The following PAPPA2 variants were observed in gnomAD, a reference collection of about 807,000 sequenced individuals.
PAPPA2 encodes the protein pappalysin-2.
PAPPA2 carries 86 observed loss-of-function variants against 176.4 expected under a neutral mutation model. The ratio of observed to expected loss-of-function variants is 0.49; its 90% CI spans 0.41 to 0.58. The LOEUF is 0.58. PAPPA2 is among the 20% of genes least tolerant of loss of function. The pLI is 0.00. For synonymous variants in PAPPA2, 809 were observed against 852.2 expected (o/e 0.95, Z 0.88); for missense variants, 2,073 against 2,256.9 (o/e 0.92, Z 1.65).
At chr1:176,725,267 C>T (rs1661813436) in intron 12 of PAPPA2, among the ~76,000 whole-genome samples, 1 of 152,132 alleles carries the variant, frequency 6.6e-6, no homozygotes, top group East Asian at 1.9e-4. Flanking sequence ...AGCTCACAGG[C>T]TGTACAAAAA....
At chr1:176,793,073 CCCA>C (rs1030174804) in intron 19 of PAPPA2, among the ~76,000 whole-genome samples, 1 of 152,028 alleles carries the variant, frequency 6.6e-6, no homozygotes, top group Non-Finnish European at 1.5e-5. Flanking sequence ...TTTCCCGCCA[CCCA>C]CCACCACCAC....
chr1:176,828,726 G>A (rs1348944756), intron 21 of PAPPA2, among the ~76,000 whole-genome samples: 5 of 152,118 alleles, frequency 3.3e-5, no homozygotes, highest in African/African-American at 9.6e-5. Flanking sequence ...ACAAAAGGCC[G>A]GGCGTGGTGG....
At chr1:176,759,271 C>A (rs1272318843) in intron 14 of PAPPA2, among the ~76,000 whole-genome samples, 1 of 152,156 alleles carries the variant, frequency 6.6e-6, no homozygotes, top group African/African-American at 2.4e-5. Context: ...ATATTACAAT[C>A]TTAGTATTGT....
intron 1 of PAPPA2, among the ~76,000 whole-genome samples, chr1:176,470,646 G>A (rs2102464202): frequency 6.6e-6 from 1 of 152,100 alleles, no homozygotes; most frequent in South Asian, 2.1e-4. Flanking sequence ...ATCTCCCTGA[G>A]GGCAACAAAA....
intron 21 of PAPPA2, among the ~76,000 whole-genome samples, chr1:176,815,365 C>T (rs778612168): frequency 4.6e-5 from 7 of 152,054 alleles, no homozygotes; most frequent in Non-Finnish European, 1.0e-4. Flanking sequence ...GTTTGAAAAG[C>T]TAGTTCACAC....
chr1:176,536,876 C>T (rs79660956), intron 1 of PAPPA2, among the ~76,000 whole-genome samples: 5,940 of 152,198 alleles, frequency 0.039, 375 homozygotes, highest in African/African-American at 0.13. Flanking sequence ...AGGCTCTACA[C>T]GGGCACTGTG....
intron 19 of PAPPA2, among the ~76,000 whole-genome samples, 165 bp downstream of exon 19, chr1:176,791,647 G>A (rs1241245794): frequency 4.6e-5 from 7 of 152,160 alleles, no homozygotes; most frequent in Admixed American, 2.0e-4. Flanking sequence ...TCCATTTCCC[G>A]GGTTCAAGCA....
At position 176,845,420 on chromosome 1, in the gene PAPPA2, G is replaced by C. The variant is rs1006144212; in HGVS notation, c.*2966G>C. The stretch of plus-strand genomic sequence containing the variant: ...TCTCTTTTTTCTATTACAAGGCATT[G>C]AACTTGGCACTTCCTGTATTCTTTG... On this transcript the variant is annotated 3_prime_UTR_variant, in exon 23 of 23. Transcript: ENST00000367662. 3 of 152,158 alleles carry C rather than the reference G, an allele frequency of 2.0e-5. No homozygotes were observed. Among genetic ancestry groups the C allele is most frequent in the African/African-American group, 7.2e-5 (3 of 41,432 alleles). The allele number at this position is 152,158 out of a possible 1,614,324, so 9.4% of individuals were successfully genotyped here.
intron 21 of PAPPA2, among the ~76,000 whole-genome samples, chr1:176,832,680 C>CTA (rs1329371195): frequency 6.6e-6 from 1 of 152,190 alleles, no homozygotes; most frequent in Non-Finnish European, 1.5e-5. Context: ...TCACCATACT[C>CTA]TATAGCCTTG....
chr1:176,769,545 T>C, intron 15 of PAPPA2, 62 bp from the exon 16 acceptor site: 12 of 1,522,272 alleles, frequency 7.9e-6, no homozygotes, highest in Non-Finnish European at 9.9e-6. Context: ...TTCTAAAGCC[T>C]GGAAACTACT....
chr1:176,785,603 C>A (rs1013779923), intron 17 of PAPPA2, among the ~76,000 whole-genome samples: 1 of 152,174 alleles, frequency 6.6e-6, no homozygotes. Flanking sequence ...TGCAGTGCCT[C>A]CTCTCCAGTC....
At chr1:176,811,421 A>G (rs970499646) in intron 21 of PAPPA2, among the ~76,000 whole-genome samples, 1 of 152,190 alleles carries the variant, frequency 6.6e-6, no homozygotes, top group African/African-American at 2.4e-5. Flanking sequence ...CAGAAGGCAC[A>G]TCTTCAGGGC....
intron 14 of PAPPA2, among the ~76,000 whole-genome samples, chr1:176,747,380 G>C (rs1662960033): frequency 6.6e-6 from 1 of 152,152 alleles, no homozygotes; most frequent in Non-Finnish European, 1.5e-5. Context: ...TTGGACTTTT[G>C]GGAAAGTGTA....
chr1:176,839,150 C>T (rs543212290), intron 21 of PAPPA2, among the ~76,000 whole-genome samples: 1 of 152,156 alleles, frequency 6.6e-6, no homozygotes, highest in African/African-American at 2.4e-5. Flanking sequence ...AATTTGACCA[C>T]AAGATGTTTC....
intron 12 of PAPPA2, among the ~76,000 whole-genome samples, chr1:176,736,166 A>G (rs941622088): frequency 6.6e-6 from 1 of 152,008 alleles, no homozygotes; most frequent in African/African-American, 2.4e-5. Context: ...GCTGTTCACA[A>G]GCATGCATTT....
chr1:176,757,263 A>G (rs1192048002), intron 14 of PAPPA2, among the ~76,000 whole-genome samples: 1 of 152,162 alleles, frequency 6.6e-6, no homozygotes, highest in African/African-American at 2.4e-5. Context: ...CTAGTTCTAG[A>G]TCCTTGAGGA....
At chr1:176,560,055 GTC>G (rs1294439394) in intron 2 of PAPPA2, among the ~76,000 whole-genome samples, 3 of 152,182 alleles carry the variant, frequency 2.0e-5, no homozygotes, top group Non-Finnish European at 2.9e-5. Context: ...AGTGGGGAAT[GTC>G]TCTGATTTCT....
intron 14 of PAPPA2, among the ~76,000 whole-genome samples, chr1:176,744,254 G>A (rs1662807958): frequency 6.6e-6 from 1 of 152,060 alleles, no homozygotes; most frequent in South Asian, 2.1e-4. Context: ...GAATTAAAAT[G>A]TCTATCCCTG....
intron 17 of PAPPA2, 102 bp from the exon 18 acceptor site, chr1:176,789,707 C>A: frequency 7.6e-7 from 1 of 1,316,148 alleles, no homozygotes; most frequent in Non-Finnish European, 1.1e-6. Context: ...ACCATCTGTC[C>A]CTGCCTATTT....
Sources: gnomAD v4.1 joint callset for allele counts (sites outside exome capture counted in the v4.1 genomes callset) on GRCh38, gnomAD v4.1.1 for gene constraint, MANE v1.5 for transcripts, NCBI Gene and HGNC (gene_info 2026-07-23, HGNC 2026-07-21) for gene names.